Variants in MTUS2 observed in about 807,000 individuals in gnomAD.
MTUS2 encodes the protein microtubule associated scaffold protein 2, also known as microtubule-associated tumor suppressor candidate 2.
In MTUS2, 40 loss-of-function variants were observed where a neutral mutation model predicts 114.1. That is an observed-to-expected ratio of 0.35 (90% confidence interval 0.27 to 0.46). The LOEUF is 0.46. Ranked by LOEUF, MTUS2 falls within the 20% of genes least tolerant of loss-of-function variation. MTUS2 has a pLI of 1.00. For synonymous variants in MTUS2, 688 were observed against 672.0 expected (o/e 1.02, Z -0.37); for missense variants, 1,679 against 1,705.4 (o/e 0.98, Z 0.27).
At chr13:29,310,066 A>T (rs906416619) in intron 6 of MTUS2, among the ~76,000 whole-genome samples, 1 of 151,758 alleles carries the variant, frequency 6.6e-6, no homozygotes, top group African/African-American at 2.4e-5. Context: ...ATTGCCTGCA[A>T]CCCCACTACC....
intron 4 of MTUS2, among the ~76,000 whole-genome samples, chr13:29,064,869 A>G (rs1888593140): frequency 6.6e-6 from 1 of 152,220 alleles, no homozygotes; most frequent in Admixed American, 6.5e-5. Context: ...GTAAGTGAGA[A>G]CATGCAGTAT....
chr13:29,100,847 T>C lies in MTUS2; in HGVS notation c.2521T>C (p.Tyr841His). Residue 841 changes from tyrosine to histidine, a missense_variant, in exon 5 of 16, where the codon TAC (tyrosine) becomes CAC (histidine). By Grantham distance (83) the Tyr-to-His change is moderately conservative. Coordinates refer to ENST00000612955, the MANE Select transcript of MTUS2 (RefSeq NM_001033602.4). ...LPKSGLRPPG[Y>H]SRLPAAKLAA... ...GAAATCTGGTCTCCGTCCTCCCGGA[T>C]ACTCACGTCTCCCGGCAGCCAAACT... 1 of 1,552,436 alleles carries C rather than the reference T, an allele frequency of 6.4e-7. No homozygotes were observed. Among genetic ancestry groups the C allele is most frequent in the Non-Finnish European group, 8.7e-7 (1 of 1,147,382 alleles).
At chr13:28,931,658 T>A (rs1232209628) in intron 2 of MTUS2, among the ~76,000 whole-genome samples, 1 of 152,104 alleles carries the variant, frequency 6.6e-6, no homozygotes, top group Non-Finnish European at 1.5e-5. Flanking sequence ...TACAGCATAA[T>A]AATGACTGTT....
chr13:29,229,180 C>T (rs145613299), intron 5 of MTUS2, among the ~76,000 whole-genome samples: 40 of 152,060 alleles, frequency 2.6e-4, no homozygotes, highest in African/African-American at 9.6e-4. Flanking sequence ...CCTGATTTGA[C>T]CTCTAGTTTT....
chr13:29,389,379 A>ACACGTGTGTGTG (rs1158234935), intron 8 of MTUS2, among the ~76,000 whole-genome samples: 1 of 85,948 alleles, frequency 1.2e-5, no homozygotes, highest in Non-Finnish European at 2.6e-5. Context: ...GTGTGTATAT[A>ACACGTGTGTGTG]TGTATACACG....
chr13:29,183,966 T>A lies in MTUS2; in HGVS notation c.2644+82996T>A, dbSNP rs186953866. The stretch of plus-strand genomic sequence containing the variant: ...AAATATTTAAACATAAAAAGTTAAC[T>A]GTACAGTTTTTGCCTATTTACTTAC... On this transcript the variant is annotated intron_variant, in intron 5 of 15. Coordinates refer to ENST00000612955, the MANE Select transcript of MTUS2 (RefSeq NM_001033602.4). 9.5e-4 allele frequency among the ~76,000 whole-genome samples: 145 copies of A among 152,310 alleles called. 1 individual carries two copies. The highest frequency in any genetic ancestry group is 2.6e-3 in the African/African-American group (107 of 41,580).
At chr13:29,015,862 C>T (rs1217588256) in intron 2 of MTUS2, among the ~76,000 whole-genome samples, 2 of 151,878 alleles carry the variant, frequency 1.3e-5, no homozygotes, top group African/African-American at 4.8e-5. Flanking sequence ...AACAAAAATA[C>T]TATATTTTTA....
intron 2 of MTUS2, among the ~76,000 whole-genome samples, chr13:28,998,622 A>C (rs941005485): frequency 1.3e-5 from 2 of 151,830 alleles, no homozygotes; most frequent in East Asian, 1.9e-4. Flanking sequence ...ACTTCTCTTC[A>C]CGCTTCATTT....
chr13:29,241,999 C>G (rs17073131), intron 5 of MTUS2, among the ~76,000 whole-genome samples: 1,962 of 152,156 alleles, frequency 0.013, 38 homozygotes, highest in African/African-American at 0.045. Context: ...GCGTTCATCC[C>G]AGATATATGT....
chr13:29,475,844 T>C (rs1880661289), intron 9 of MTUS2, among the ~76,000 whole-genome samples: 1 of 152,176 alleles, frequency 6.6e-6, no homozygotes, highest in South Asian at 2.1e-4. Context: ...GAAGTTAACT[T>C]ATCTTGAGCA....
chr13:29,402,849 G>A (rs893668735), intron 8 of MTUS2, among the ~76,000 whole-genome samples: 1 of 152,130 alleles, frequency 6.6e-6, no homozygotes, highest in Non-Finnish European at 1.5e-5. Context: ...CAATTCTCCT[G>A]CTTCAGCCTC....
chr13:29,033,772 G>A, intron 3 of MTUS2, 113 bp from the exon 4 acceptor site: 4 of 1,305,826 alleles, frequency 3.1e-6, no homozygotes, highest in Non-Finnish European at 4.2e-6. Flanking sequence ...TTGTGATCAA[G>A]CAGCTAAGTG....
chr13:29,159,343 A>G (rs1212313066), intron 5 of MTUS2, among the ~76,000 whole-genome samples: 1 of 152,172 alleles, frequency 6.6e-6, no homozygotes, highest in African/African-American at 2.4e-5. Flanking sequence ...TGTATACTAT[A>G]TATACACATA....
chr13:29,246,530 C>T (rs1202521300), intron 5 of MTUS2, among the ~76,000 whole-genome samples: 4 of 152,170 alleles, frequency 2.6e-5, no homozygotes, highest in Non-Finnish European at 5.9e-5. Context: ...AATGAAGGTT[C>T]TTAATGGAGT....
intron 5 of MTUS2, among the ~76,000 whole-genome samples, chr13:29,181,574 C>A (rs1335329713): frequency 6.6e-6 from 1 of 152,036 alleles, no homozygotes; most frequent in Non-Finnish European, 1.5e-5. Flanking sequence ...TTGCTTGCCT[C>A]GGGGTTAGGA....
chr13:29,147,277 A>G (rs970040803), intron 5 of MTUS2, among the ~76,000 whole-genome samples: 1 of 152,198 alleles, frequency 6.6e-6, no homozygotes, highest in African/African-American at 2.4e-5. Context: ...AGTTGATACA[A>G]TGGAAGCCAC....
intron 7 of MTUS2, among the ~76,000 whole-genome samples, chr13:29,347,315 A>C (rs1868793276): frequency 6.6e-6 from 1 of 152,026 alleles, no homozygotes; most frequent in Non-Finnish European, 1.5e-5. Flanking sequence ...TTCTCTGTAT[A>C]TGTTGTAGTT....
rs1369423869 is a variant in MTUS2 at position 29,304,558 on chromosome 13, T to G, written c.2807-20055T>G. 3.9e-5 allele frequency among the ~76,000 whole-genome samples: 6 copies of G among 152,102 alleles called. 1 individual carries two copies. In the South Asian group the frequency reaches 6.2e-4, roughly 16 times the overall value. On this transcript the variant is annotated intron_variant, in intron 6 of 15. Coordinates refer to ENST00000612955, the MANE Select transcript of MTUS2 (RefSeq NM_001033602.4). ...AAAGATGAAGGGCATTACATAATGG[T>G]AAAGGGTTTAATTCAACAAGAAGAG...
intron 9 of MTUS2, among the ~76,000 whole-genome samples, chr13:29,453,801 ACTT>A (rs772141171): frequency 2.6e-5 from 4 of 152,202 alleles, no homozygotes; most frequent in African/African-American, 4.8e-5. Flanking sequence ...TGTTTATGAA[ACTT>A]ACTATTGCTT....
Sources: allele counts gnomAD v4.1 joint callset (sites outside exome capture counted in the v4.1 genomes callset), GRCh38; gene constraint gnomAD v4.1.1; transcripts MANE v1.5; gene names NCBI Gene and HGNC (gene_info 2026-07-23, HGNC 2026-07-21).